The following MYO10 variants were observed in gnomAD, a reference collection of about 807,000 sequenced individuals.
The protein encoded by MYO10 is unconventional myosin-X.
A neutral mutation model predicts 257.3 loss-of-function variants in MYO10; 133 were observed. That is an observed-to-expected ratio of 0.52 (90% CI 0.45 to 0.60). The LOEUF (loss-of-function observed/expected upper bound fraction) is 0.60, where lower values mean the gene tolerates loss of function less well. Ranked by LOEUF, MYO10 falls within the 20% of genes least tolerant of loss-of-function variation. The probability of loss-of-function intolerance (pLI) is 0.00; values close to 1 mark genes in which losing one functional copy is unlikely to be tolerated. For missense variants in MYO10, 2,399 were observed against 2,635.7 expected, an observed-to-expected ratio of 0.91 and a Z score of 1.97; for synonymous variants, 1,104 against 1,028.6, an observed-to-expected ratio of 1.07 and a Z score of -1.40.
At position 16,763,484 on chromosome 5, in the gene MYO10, C is replaced by T. The variant is rs758710565; in HGVS notation, c.1491G>A (p.Glu497=). ...IDNGECLDLI[E]KKLGLLALIN... is the part of the protein sequence containing the mutation. ...CCATTCTTCAAAAATACATTACCTT[C>T]TCAATCAAGTCCAGGCATTCTCCAT... The change falls in exon 14 of 41, where the codon GAG becomes GAA. Residue 497 remains glutamate, a synonymous_variant. Transcript: ENST00000513610. 12 of 1,608,970 alleles carry T rather than the reference C, an allele frequency of 7.5e-6. No homozygotes were observed. The highest frequency in any genetic ancestry group is 9.4e-6 in the Non-Finnish European group (11 of 1,175,514).
chr5:16,817,757 G>A (rs1232709919), intron 3 of MYO10, among the ~76,000 whole-genome samples: 1 of 152,196 alleles, frequency 6.6e-6, no homozygotes, highest in African/African-American at 2.4e-5. Context: ...TTCACAAGCA[G>A]CAAGGTCAAA....
intron 3 of MYO10, among the ~76,000 whole-genome samples, chr5:16,812,499 C>A (rs2126698789): frequency 2.0e-5 from 3 of 152,280 alleles, no homozygotes. Flanking sequence ...CAAACCCAAG[C>A]CTGTGTCATC....
rs73053057 is a variant in MYO10 at position 16,772,879 on chromosome 5, G to A, written c.931-3676C>T. 2.5e-3 allele frequency among the ~76,000 whole-genome samples: 387 copies of A among 152,234 alleles called. 1 individual carries two copies. Among genetic ancestry groups the A allele is most frequent in the African/African-American group, 9.1e-3 (377 of 41,544 alleles). ...AAAGAAGATAACCGTATACCAGAGG[G>A]ACTAAATTAGATCAGTAGTTTCCTA... On this transcript the variant is annotated intron_variant, in intron 9 of 40. Transcript: ENST00000513610.
rs559873958 is a variant in MYO10, at chr5:16,688,065, C to T, written c.3896+1759G>A. Among the ~76,000 whole-genome samples the T allele has an allele frequency of 3.9e-5, 6 of 152,244 alleles. No homozygotes were observed. The South Asian group carries it at 1.2e-3, about 32-fold the overall frequency. The stretch of plus-strand genomic sequence containing the variant: ...CAAAGGTTAAATTTAGCAGGTTCAT[C>T]GTGGCATAAAACAGACAGGGCAGCT... On this transcript the variant is annotated intron_variant, in intron 28 of 40. Coordinates refer to ENST00000513610, the MANE Select transcript of MYO10 (RefSeq NM_012334.3).
At chr5:16,698,623 G>GTATTTTTT (rs1737873193) in intron 26 of MYO10, among the ~76,000 whole-genome samples, 1 of 113,860 alleles carries the variant, frequency 8.8e-6, no homozygotes, top group Non-Finnish European at 1.7e-5. Context: ...AGAACATGCA[G>GTATTTTTT]TTTTTTTTTT....
At chr5:16,839,754 T>A (rs576427421) in intron 2 of MYO10, among the ~76,000 whole-genome samples, 46 of 151,828 alleles carry the variant, frequency 3.0e-4, no homozygotes, top group African/African-American at 1.0e-3. Flanking sequence ...AAAAATAAAT[T>A]AATTAATTTA....
At chr5:16,871,489 C>A (rs1197649409) in intron 2 of MYO10, among the ~76,000 whole-genome samples, 1 of 152,130 alleles carries the variant, frequency 6.6e-6, no homozygotes, top group African/African-American at 2.4e-5. Flanking sequence ...TGCCCGTGGT[C>A]CCAGCTACTA....
chr5:16,716,685 AG>A (rs1738888061), intron 19 of MYO10, among the ~76,000 whole-genome samples: 1 of 151,968 alleles, frequency 6.6e-6, no homozygotes, highest in Non-Finnish European at 1.5e-5. Context: ...AGAAGAGCCC[AG>A]GAAGACGTGG....
In MYO10 at chr5:16,672,803, C is replaced by G. The variant is rs1736531292; in HGVS notation, c.5195G>C (p.Gly1732Ala). 1.2e-6 allele frequency: 2 copies of G among 1,613,494 alleles called. No homozygotes were observed. The highest frequency in any genetic ancestry group is 2.7e-5 in the African/African-American group (2 of 74,922). Residue 1732 changes from glycine (G) to alanine (A), a missense_variant, in exon 37 of 41, where the codon GGC (glycine) becomes GCC (alanine). Transcript: ENST00000513610. ...AGEVVEKLIR[G>A]LAMEDSRNMF... Reference sequence around the variant, plus strand: ...GTTCCTGCTGTCCTCCATGGCCAGGCCTCGGATCAGCTTCTCCACCACCTG... The same window carrying G: ...GTTCCTGCTGTCCTCCATGGCCAGGGCTCGGATCAGCTTCTCCACCACCTG...
chr5:16,701,963 G>A lies in MYO10; in HGVS notation c.2557-125C>T. On this transcript the variant is annotated intron_variant, in intron 24 of 40. Transcript: ENST00000513610. This position sits in a 1 kb window ranked among gnomAD's most constrained non-coding sequence, Gnocchi z 8.1. ...GGACTGTGTCCCCATAAAGTCTATA[G>A]GTTGAAGTCCTAACCCCAATACTGC... The A allele has an allele frequency of 1.8e-6, 2 of 1,138,390 alleles. No individual in the cohort carries two copies. Among genetic ancestry groups the A allele is most frequent in the South Asian group, 1.7e-5 (1 of 60,564 alleles). 70.5% of individuals were successfully genotyped at this position (1,138,390 alleles called of 1,614,324 possible). A position where few individuals can be genotyped will look rare whatever the true frequency, so the allele number is the denominator to read the frequency against.
At chr5:16,750,824 C>T (rs909079730) in intron 19 of MYO10, among the ~76,000 whole-genome samples, 5 of 152,092 alleles carry the variant, frequency 3.3e-5, no homozygotes, top group African/African-American at 1.2e-4. Flanking sequence ...GGAGAAACCC[C>T]ATCTCTACTA....
At chr5:16,707,783 G>GAC (rs1257130040) in intron 21 of MYO10, among the ~76,000 whole-genome samples, 1 of 152,194 alleles carries the variant, frequency 6.6e-6, no homozygotes, top group Non-Finnish European at 1.5e-5. Flanking sequence ...TGAAGCATCC[G>GAC]ACAGGCCGCT....
intron 2 of MYO10, among the ~76,000 whole-genome samples, chr5:16,823,446 C>CGGGGGGGGGGGGGG (rs1171973848): frequency 4.8e-4 from 2 of 4,192 alleles, no homozygotes; most frequent in African/African-American, 1.2e-3. Flanking sequence ...CTCCATCTTG[C>CGGGGGGGGGGGGGG]GCGGGGGGGG....
chr5:16,667,563 C>A (rs193078361), intron 40 of MYO10, among the ~76,000 whole-genome samples: 1 of 152,174 alleles, frequency 6.6e-6, no homozygotes, highest in East Asian at 1.9e-4. Flanking sequence ...CACCTGGGAC[C>A]CTTGAGTCAA....
chr5:16,760,295 CAA>C (rs749694848), intron 17 of MYO10, among the ~76,000 whole-genome samples: 14 of 107,262 alleles, frequency 1.3e-4, no homozygotes, highest in Admixed American at 2.1e-4. Flanking sequence ...ACTAAAGATA[CAA>C]AAAAAAAAAA....
intron 30 of MYO10, among the ~76,000 whole-genome samples, chr5:16,682,528 G>A (rs976408983): frequency 6.6e-6 from 1 of 152,212 alleles, no homozygotes; most frequent in Non-Finnish European, 1.5e-5. Flanking sequence ...GCATTTCCTA[G>A]TCACGGATAA....
At chr5:16,702,713 C>A (rs941039825) in intron 23 of MYO10, 125 bp from the exon 24 acceptor site, 1 of 1,005,068 alleles carries the variant, frequency 9.9e-7, no homozygotes, top group African/African-American at 1.6e-5. Flanking sequence ...GCCCCTTCCT[C>A]TGGCCATGGA....
intron 1 of MYO10, among the ~76,000 whole-genome samples, chr5:16,891,381 A>AAGTAAG (rs1262602711): frequency 9.0e-6 from 1 of 110,604 alleles, no homozygotes; most frequent in Non-Finnish European, 1.8e-5. Flanking sequence ...GGAAGGAAGG[A>AAGTAAG]GAGAGAGAGG....
intron 19 of MYO10, among the ~76,000 whole-genome samples, chr5:16,723,703 G>A (rs529506138): frequency 3.3e-5 from 5 of 152,284 alleles, no homozygotes; most frequent in Admixed American, 3.3e-4. Flanking sequence ...CCAAAAACTG[G>A]AAGCAATCAA....
Sources: allele counts gnomAD v4.1 joint callset (sites outside exome capture counted in the v4.1 genomes callset), GRCh38; gene constraint gnomAD v4.1.1; non-coding constraint Gnocchi (gnomAD v3.1); transcripts MANE v1.5; gene names NCBI Gene and HGNC (gene_info 2026-07-23, HGNC 2026-07-21).